Variants in GRAMD1B observed in about 807,000 individuals in gnomAD.
The protein encoded by GRAMD1B is protein Aster-B.
Under a neutral mutation model 99.7 loss-of-function variants are expected in GRAMD1B, and 37 were observed. The observed-to-expected ratio is 0.37, with a 90% CI of 0.29 to 0.49. The LOEUF is 0.49. Ranked by LOEUF, GRAMD1B falls within the 20% of genes least tolerant of loss-of-function variation. GRAMD1B has a pLI of 0.98. For missense variants in GRAMD1B, 888 were observed against 1,009.2 expected (o/e 0.88, Z 1.63); for synonymous variants, 427 against 387.6 (o/e 1.10, Z -1.19).
intron 2 of GRAMD1B, among the ~76,000 whole-genome samples, chr11:123,535,026 C>T (rs1943815511): frequency 6.6e-6 from 1 of 152,094 alleles, no homozygotes; most frequent in South Asian, 2.1e-4. Context: ...CAAAACAGGG[C>T]TCACCTACAG....
chr11:123,461,726 T>G (rs911369639), intron 1 of GRAMD1B, among the ~76,000 whole-genome samples: 3 of 152,114 alleles, frequency 2.0e-5, no homozygotes, highest in African/African-American at 7.2e-5. Flanking sequence ...TGCCTTAGCC[T>G]CCCGAGTAGC....
intron 2 of GRAMD1B, among the ~76,000 whole-genome samples, chr11:123,514,185 G>A (rs1033546706): frequency 9.9e-5 from 15 of 152,270 alleles, no homozygotes; most frequent in African/African-American, 2.6e-4. Context: ...AATCAGGGAC[G>A]CAAGAAGAAT....
At chr11:123,613,262 G>T in intron 15 of GRAMD1B, 193 bp from the exon 16 acceptor site, 1 of 592,112 alleles carries the variant, frequency 1.7e-6, no homozygotes, top group East Asian at 2.8e-5. Flanking sequence ...TCCTTGCAAT[G>T]TTGAACAACC....
At chr11:123,507,193 G>A (rs959469941) in intron 2 of GRAMD1B, among the ~76,000 whole-genome samples, 6 of 152,200 alleles carry the variant, frequency 3.9e-5, no homozygotes, top group Admixed American at 3.9e-4. Context: ...TAAAGAGGAT[G>A]GCAGGCCACA....
chr11:123,576,612 T>TTG (rs1948740134), intron 2 of GRAMD1B, among the ~76,000 whole-genome samples: 1 of 152,252 alleles, frequency 6.6e-6, no homozygotes, highest in Non-Finnish European at 1.5e-5. Context: ...TACAAGGTAC[T>TTG]TATTGGGAAT....
chr11:123,566,327 G>C (rs528504799), intron 2 of GRAMD1B, among the ~76,000 whole-genome samples: 1 of 152,210 alleles, frequency 6.6e-6, no homozygotes, highest in African/African-American at 2.4e-5. Flanking sequence ...GAGTCTGGAA[G>C]TGATGTCATA....
At chr11:123,541,164 C>T (rs973580577) in intron 2 of GRAMD1B, among the ~76,000 whole-genome samples, 2 of 151,994 alleles carry the variant, frequency 1.3e-5, no homozygotes, top group African/African-American at 2.4e-5. Flanking sequence ...TTAGTACAGA[C>T]GGAGTTTCTC....
At chr11:123,585,851 C>T (rs1950016110) in intron 4 of GRAMD1B, among the ~76,000 whole-genome samples, 2 of 152,184 alleles carry the variant, frequency 1.3e-5, no homozygotes, top group Non-Finnish European at 1.5e-5. Flanking sequence ...TAATCTCCTT[C>T]CTCTTCTCAT....
intron 2 of GRAMD1B, among the ~76,000 whole-genome samples, chr11:123,549,520 C>T (rs1031403337): frequency 1.3e-5 from 2 of 151,668 alleles, no homozygotes; most frequent in African/African-American, 2.4e-5. Context: ...CCAGTCTAGG[C>T]GACAGAGTGA....
At chr11:123,572,961 G>A (rs1458186166) in intron 2 of GRAMD1B, among the ~76,000 whole-genome samples, 4 of 149,808 alleles carry the variant, frequency 2.7e-5, no homozygotes, top group Admixed American at 2.0e-4. Flanking sequence ...AGGGGCGCAG[G>A]TAGACCCCGA....
At chr11:123,592,159 C>G (rs772437428) in intron 4 of GRAMD1B, among the ~76,000 whole-genome samples, 1 of 152,170 alleles carries the variant, frequency 6.6e-6, no homozygotes, top group South Asian at 2.1e-4. Flanking sequence ...CAGGCTGACA[C>G]TGGAACTCTG....
At chr11:123,504,718 G>A (rs1461872351) in intron 2 of GRAMD1B, among the ~76,000 whole-genome samples, 2 of 152,052 alleles carry the variant, frequency 1.3e-5, no homozygotes, top group Non-Finnish European at 2.9e-5. Flanking sequence ...ATCTGGCTCT[G>A]TTGCTCAACC....
At chr11:123,477,760 T>C (rs1157972859) in intron 1 of GRAMD1B, among the ~76,000 whole-genome samples, 1 of 142,210 alleles carries the variant, frequency 7.0e-6, no homozygotes, top group Non-Finnish European at 1.5e-5. Flanking sequence ...CCCTTTCCCT[T>C]TTCCTTCCCT....
chr11:123,405,580 G>T (rs1947828117), intron 1 of GRAMD1B, among the ~76,000 whole-genome samples: 1 of 152,290 alleles, frequency 6.6e-6, no homozygotes, highest in Middle Eastern at 3.4e-3. Flanking sequence ...AATGAGAGTT[G>T]CTTGGACTGG....
At chr11:123,593,559 C>T (rs935555487) in intron 4 of GRAMD1B, among the ~76,000 whole-genome samples, 5 of 152,180 alleles carry the variant, frequency 3.3e-5, no homozygotes, top group South Asian at 2.1e-4. Context: ...TCTATCTCTG[C>T]GCTTATTGCA....
Position 123,504,118 on chromosome 11 carries a change from G to C in GRAMD1B, c.452+23225G>C, listed in dbSNP as rs141971445. On this transcript the variant is annotated intron_variant, in intron 2 of 19. Transcript: ENST00000635736. ...CACTCATGTTTCTGTTGCTTGTTGC[G>C]GGGGCGGTCTCAGGAATTGCTAGCA... 2.0e-5 allele frequency among the ~76,000 whole-genome samples: 3 copies of C among 152,186 alleles called. No individual in the cohort carries two copies. The South Asian group carries it at 6.2e-4, about 32-fold the overall frequency.
At chr11:123,401,191 A>G (rs1391493941) in intron 1 of GRAMD1B, among the ~76,000 whole-genome samples, 1 of 152,242 alleles carries the variant, frequency 6.6e-6, no homozygotes, top group Non-Finnish European at 1.5e-5. Flanking sequence ...TTGTTTCAAC[A>G]GTAACGTGAA....
chr11:123,405,735 T>C (rs1173556318), intron 1 of GRAMD1B, among the ~76,000 whole-genome samples: 1 of 152,182 alleles, frequency 6.6e-6, no homozygotes, highest in African/African-American at 2.4e-5. Context: ...ACTTTAGCCC[T>C]GTACAAGGGG....
intron 1 of GRAMD1B, among the ~76,000 whole-genome samples, chr11:123,440,581 A>T (rs1949361297): frequency 6.6e-6 from 1 of 152,218 alleles, no homozygotes; most frequent in African/African-American, 2.4e-5. Context: ...GATAGTAGGA[A>T]AAAGGAAAAC....
Sources: gnomAD v4.1 joint callset for allele counts (sites outside exome capture counted in the v4.1 genomes callset) on GRCh38, gnomAD v4.1.1 for gene constraint, MANE v1.5 for transcripts, NCBI Gene and HGNC (gene_info 2026-07-23, HGNC 2026-07-21) for gene names.